The following MCCC2 variants were observed in gnomAD, a reference collection of about 807,000 sequenced individuals.
MCCC2 encodes the protein methylcrotonoyl-CoA carboxylase beta chain, mitochondrial.
In MCCC2, 52 loss-of-function variants were observed where a neutral mutation model predicts 77.2. The ratio of observed to expected loss-of-function variants is 0.67; its 90% confidence interval spans 0.54 to 0.85. MCCC2 has a LOEUF of 0.85. MCCC2 is among the 40% of genes least tolerant of loss of function. The pLI is 0.00. For missense variants in MCCC2, 682 were observed against 703.2 expected (o/e 0.97, Z 0.34); for synonymous variants, 253 against 248.4 (o/e 1.02, Z -0.18).
chr5:71,618,512 C>A (rs563120353), intron 6 of MCCC2, among the ~76,000 whole-genome samples: 5 of 62,646 alleles, frequency 8.0e-5, no homozygotes, highest in Non-Finnish European at 1.5e-4. Context: ...TTCCTTCCTT[C>A]CTTCCTTCCT....
intron 4 of MCCC2, 73 bp downstream of exon 4, chr5:71,599,833 C>A: frequency 8.6e-7 from 1 of 1,167,398 alleles, no homozygotes; most frequent in Non-Finnish European, 1.3e-6. Context: ...ATCCAGCACT[C>A]ACTTTGCATA....
Position 71,657,578 on chromosome 5 carries a change from CA to C in MCCC2, c.*719del, listed in dbSNP as rs886060742. 6.6e-6 allele frequency: 1 copy of C among 152,102 alleles called. No individual in the cohort carries two copies. The highest frequency in any genetic ancestry group is 1.9e-4 in the East Asian group (1 of 5,170). 9.4% of individuals were successfully genotyped at this position (152,102 alleles called of 1,614,324 possible). A position where few individuals can be genotyped will look rare whatever the true frequency, so the allele number is the denominator to read the frequency against. On this transcript the variant is annotated 3_prime_UTR_variant, in exon 17 of 17. Coordinates refer to ENST00000340941, the MANE Select transcript of MCCC2 (RefSeq NM_022132.5). ...AGCAGCTGGGACTATAGGCACGCAC[CA>C]CCACACCCAGCTAAGTTCTGTATTT... is the stretch of plus-strand genomic sequence containing the variant.
rs769558016 is a variant in MCCC2, at chr5:71,650,125, A to G, written c.1430A>G (p.Gln477Arg). ...NARISVMGGE[Q>R]AANVLATITK... ...CGTATCTCAGTGATGGGAGGAGAGC[A>G]GGCAGCCAATGTGTTGGCCACGATA... The change falls in exon 15 of 17, where the codon CAG becomes CGG. Residue 477 changes from glutamine to arginine, a missense_variant. Gln to Arg is a conservative substitution (Grantham distance 43). Coordinates refer to ENST00000340941, the MANE Select transcript of MCCC2 (RefSeq NM_022132.5). The G allele has an allele frequency of 6.2e-7, 1 of 1,614,120 alleles. No homozygotes were observed. The highest frequency in any genetic ancestry group is 8.5e-7 in the Non-Finnish European group (1 of 1,180,034).
At chr5:71,639,925 G>A (rs1044750367) in intron 10 of MCCC2, among the ~76,000 whole-genome samples, 33 of 152,246 alleles carry the variant, frequency 2.2e-4, no homozygotes, top group Non-Finnish European at 8.8e-5. Context: ...CATTCACTCA[G>A]TTTTCAGCCT....
chr5:71,609,260 C>G (rs1428334016), intron 6 of MCCC2, among the ~76,000 whole-genome samples: 1 of 147,580 alleles, frequency 6.8e-6, no homozygotes, highest in Non-Finnish European at 1.5e-5. Context: ...GGAGGCTTTG[C>G]TCATTTCTTT....
At chr5:71,632,514 C>G (rs1746752447) in intron 8 of MCCC2, among the ~76,000 whole-genome samples, 1 of 152,132 alleles carries the variant, frequency 6.6e-6, no homozygotes, top group South Asian at 2.1e-4. Context: ...ATATTCTAGT[C>G]AGGGAGGTGG....
At chr5:71,624,039 G>A (rs894502910) in intron 6 of MCCC2, among the ~76,000 whole-genome samples, 19 of 152,126 alleles carry the variant, frequency 1.2e-4, no homozygotes, top group African/African-American at 4.3e-4. Context: ...CATAACTCTG[G>A]AGGCTGGAAG....
intron 6 of MCCC2, among the ~76,000 whole-genome samples, chr5:71,610,846 C>T (rs182547964): frequency 1.7e-3 from 262 of 152,106 alleles, no homozygotes; most frequent in South Asian, 6.8e-3. Flanking sequence ...ATTAGCTGGG[C>T]GTGGTGGCAC....
chr5:71,609,163 T>A (rs956439945), intron 6 of MCCC2, among the ~76,000 whole-genome samples: 91 of 152,124 alleles, frequency 6.0e-4, no homozygotes, highest in Non-Finnish European at 1.1e-3. Context: ...TGCAGAGTGT[T>A]TTCCAACTTG....
At chr5:71,653,266 A>G (rs1488189784) in intron 16 of MCCC2, among the ~76,000 whole-genome samples, 1 of 152,194 alleles carries the variant, frequency 6.6e-6, no homozygotes, top group Non-Finnish European at 1.5e-5. Flanking sequence ...TCGGCGCCAA[A>G]TAATTACCTC....
chr5:71,611,648 A>G (rs766288299), intron 6 of MCCC2, among the ~76,000 whole-genome samples: 27 of 152,192 alleles, frequency 1.8e-4, no homozygotes, highest in Non-Finnish European at 3.4e-4. Flanking sequence ...ACTGTATATT[A>G]TTTGTGTATA....
chr5:71,634,652 G>A (rs1746854280), intron 8 of MCCC2, among the ~76,000 whole-genome samples: 4 of 152,206 alleles, frequency 2.6e-5, no homozygotes, highest in Admixed American at 2.6e-4. Flanking sequence ...GAAGGTTAAG[G>A]TTAGAAAATA....
At chr5:71,639,169 G>T (rs757362721) in intron 10 of MCCC2, among the ~76,000 whole-genome samples, 33 of 152,160 alleles carry the variant, frequency 2.2e-4, no homozygotes, top group Non-Finnish European at 8.8e-5. Flanking sequence ...AGCCTTTAAC[G>T]AGAGAGTAAG....
intron 16 of MCCC2, among the ~76,000 whole-genome samples, chr5:71,654,956 TC>T (rs1747540453): frequency 6.6e-6 from 1 of 151,634 alleles, no homozygotes. Context: ...TGCCTCAGCC[TC>T]CCGAGTAGCT....
chr5:71,654,362 G>T (rs1233596908), intron 16 of MCCC2, among the ~76,000 whole-genome samples: 1 of 152,088 alleles, frequency 6.6e-6, no homozygotes, highest in Non-Finnish European at 1.5e-5. Context: ...AAATTTACAG[G>T]TATATTTTAT....
At position 71,589,016 on chromosome 5, in the gene MCCC2, A is replaced by G. The variant is rs538443896; in HGVS notation, c.129+1462A>G. Among the ~76,000 whole-genome samples the G allele has an allele frequency of 3.5e-4, 54 of 152,266 alleles. 1 individual carries two copies. The highest frequency in any genetic ancestry group is 1.2e-3 in the African/African-American group (50 of 41,552). ...CATCAGTGTGGTGGCAATGTGGAGG[A>G]TGGATTGATATAGGGAAAAGACTAG... is the stretch of plus-strand genomic sequence containing the variant. On this transcript the variant is annotated intron_variant, in intron 1 of 16. Coordinates refer to ENST00000340941, the MANE Select transcript of MCCC2 (RefSeq NM_022132.5).
rs1489194281 is a variant in MCCC2, at chr5:71,592,936, A to C, written c.140A>C (p.Lys47Thr). 1.2e-6 allele frequency: 2 copies of C among 1,612,572 alleles called. No homozygotes were observed. The highest frequency in any genetic ancestry group is 3.3e-5 in the Admixed American group (2 of 59,948). Residue 47 changes from lysine to threonine, a missense_variant, in exon 2 of 17, where the codon AAG (lysine) becomes ACG (threonine). Coordinates refer to ENST00000340941, the MANE Select transcript of MCCC2 (RefSeq NM_022132.5). ...CTATTTCTGTTTTAGGAGAACTACA[A>C]GCAGATGAAAGCACTAGTAAATCAG... ...LGSALYQENYKQMKALVNQLH... is the reference protein window; with the variant it reads ...LGSALYQENYTQMKALVNQLH...
At position 71,646,229 on chromosome 5, in the gene MCCC2, T is replaced by G; in HGVS notation, c.1168T>G (p.Leu390Val). The change falls in exon 13 of 17, where the codon TTA becomes GTA. Residue 390 changes from leucine to valine, a missense_variant. By Grantham distance (32) the Leu-to-Val change is conservative. Transcript: ENST00000340941. Reference sequence around the variant, plus strand: ...CTTATAGGGTACTCACTTTGTCCAGTTATGCTGCCAAAGAAATATTCCTCT... The same window carrying G: ...CTTATAGGGTACTCACTTTGTCCAGGTATGCTGCCAAAGAAATATTCCTCT... ...SAKKGTHFVQLCCQRNIPLLF... is the reference protein window; with the variant it reads ...SAKKGTHFVQVCCQRNIPLLF... 6.2e-7 allele frequency: 1 copy of G among 1,613,878 alleles called. No homozygotes were observed. The highest frequency in any genetic ancestry group is 8.5e-7 in the Non-Finnish European group (1 of 1,179,854).
chr5:71,608,092 C>T (rs1234141955), intron 6 of MCCC2, among the ~76,000 whole-genome samples: 1 of 46,608 alleles, frequency 2.1e-5, no homozygotes, highest in South Asian at 1.1e-3. Flanking sequence ...TCTATTAGGT[C>T]CGCTTGGTGC....
Sources: gnomAD v4.1 joint callset for allele counts (sites outside exome capture counted in the v4.1 genomes callset) on GRCh38, gnomAD v4.1.1 for gene constraint, MANE v1.5 for transcripts, NCBI Gene and HGNC (gene_info 2026-07-23, HGNC 2026-07-21) for gene names.